The following GRIP1 variants were observed in gnomAD, a reference collection of about 807,000 sequenced individuals.
The protein encoded by GRIP1 is glutamate receptor interacting protein 1, also known as glutamate receptor-interacting protein 1.
Under a neutral mutation model 129.9 loss-of-function variants are expected in GRIP1, and 45 were observed. That is an observed-to-expected ratio of 0.35 (90% CI 0.27 to 0.44). The LOEUF (loss-of-function observed/expected upper bound fraction) is 0.44, where lower values mean the gene tolerates loss of function less well. Ranked by LOEUF, GRIP1 falls within the 20% of genes least tolerant of loss-of-function variation. GRIP1 has a pLI of 1.00. For missense variants in GRIP1, 1,196 were observed against 1,396.8 expected (o/e 0.86, Z 2.29); for synonymous variants, 530 against 520.8 (o/e 1.02, Z -0.24).
intron 1 of GRIP1, among the ~76,000 whole-genome samples, chr12:66,696,118 A>G (rs575777595): frequency 6.6e-6 from 1 of 152,270 alleles, no homozygotes; most frequent in East Asian, 1.9e-4. Context: ...CAAAATTACT[A>G]TTATCTCAAA....
chr12:66,707,471 T>G (rs2035569418), intron 1 of GRIP1, among the ~76,000 whole-genome samples: 1 of 147,664 alleles, frequency 6.8e-6, no homozygotes, highest in Admixed American at 6.9e-5. Context: ...GTGACAGACC[T>G]TGTGATTTAA....
intron 1 of GRIP1, among the ~76,000 whole-genome samples, chr12:66,726,662 A>G (rs1442779281): frequency 6.6e-6 from 1 of 152,224 alleles, no homozygotes; most frequent in Non-Finnish European, 1.5e-5. Flanking sequence ...ATGCAGTTGT[A>G]ATATTTTATG....
At chr12:66,911,087 G>A (rs1449541564) in intron 1 of GRIP1, among the ~76,000 whole-genome samples, 1 of 152,228 alleles carries the variant, frequency 6.6e-6, no homozygotes, top group African/African-American at 2.4e-5. Context: ...CCCTCAAGGG[G>A]CTCTCCCTGG....
At chr12:66,988,077 C>T (rs2042339719) in intron 1 of GRIP1, among the ~76,000 whole-genome samples, 1 of 152,086 alleles carries the variant, frequency 6.6e-6, no homozygotes, top group South Asian at 2.1e-4. Context: ...ACAAAAGAAA[C>T]AATAAATAAA....
chr12:66,567,247 C>T (rs2139461308), intron 2 of GRIP1, among the ~76,000 whole-genome samples: 1 of 152,254 alleles, frequency 6.6e-6, no homozygotes, highest in Non-Finnish European at 1.5e-5. Context: ...TTTCTGCTTT[C>T]TCTTGTGGGC....
At chr12:66,668,112 A>G (rs1421167438) in intron 1 of GRIP1, among the ~76,000 whole-genome samples, 2 of 152,200 alleles carry the variant, frequency 1.3e-5, no homozygotes, top group Non-Finnish European at 2.9e-5. Flanking sequence ...GTTTGTGGTC[A>G]GTGTGCCTTG....
chr12:67,062,830 T>C (rs989953348), intron 1 of GRIP1, among the ~76,000 whole-genome samples: 7 of 152,210 alleles, frequency 4.6e-5, no homozygotes, highest in Non-Finnish European at 1.0e-4. Context: ...ATCAAAGACC[T>C]TGGCTGCATC....
chr12:66,824,350 GTCATGCGTCTACACTAGGACTGCC>G (rs1367555781), intron 1 of GRIP1, among the ~76,000 whole-genome samples: 1 of 152,088 alleles, frequency 6.6e-6, no homozygotes, highest in African/African-American at 2.4e-5. Context: ...CCAGGCCCAG[GTCATGCGTCTACACTAGGACTGCC>G]TCATATGATG....
chr12:66,737,548 C>T (rs2036646003), intron 1 of GRIP1, among the ~76,000 whole-genome samples: 1 of 152,138 alleles, frequency 6.6e-6, no homozygotes, highest in South Asian at 2.1e-4. Context: ...TCCCAAAGTG[C>T]TAGGATTACA....
At chr12:67,068,961 G>T (rs1406182843) in intron 1 of GRIP1, 2 of 538,758 alleles carry the variant, frequency 3.7e-6, no homozygotes, top group African/African-American at 2.1e-5. Flanking sequence ...GCGGGTGGAC[G>T]GGTCGGGAGG....
At chr12:66,778,259 A>G (rs2038050713) in intron 1 of GRIP1, among the ~76,000 whole-genome samples, 1 of 152,084 alleles carries the variant, frequency 6.6e-6, no homozygotes. Flanking sequence ...ATCTCTCCAA[A>G]AAGAAATTTT....
intron 1 of GRIP1, among the ~76,000 whole-genome samples, chr12:66,847,317 T>C (rs1482854413): frequency 1.3e-5 from 2 of 152,132 alleles, no homozygotes; most frequent in African/African-American, 4.8e-5. Context: ...ATCTGGTCCC[T>C]TCCTACTTTC....
At chr12:66,542,016 C>G in intron 2 of GRIP1, 66 bp from the exon 3 acceptor site, 1 of 1,441,288 alleles carries the variant, frequency 6.9e-7, no homozygotes, top group East Asian at 2.3e-5. Context: ...TTTCTCCTCC[C>G]CAGAAGTTCT....
chr12:67,017,954 AT>A (rs552575635), intron 1 of GRIP1, among the ~76,000 whole-genome samples: 1 of 152,186 alleles, frequency 6.6e-6, no homozygotes, highest in Non-Finnish European at 1.5e-5. Context: ...AGAGATAATA[AT>A]TGCTTATGTG....
At chr12:66,351,607 A>G (rs553038316) in intron 24 of GRIP1, among the ~76,000 whole-genome samples, 21 of 146,580 alleles carry the variant, frequency 1.4e-4, no homozygotes, top group African/African-American at 5.4e-4. Context: ...GCTGGAGTAC[A>G]GTGGCATGAT....
chr12:66,888,534 A>T (rs544979508), intron 1 of GRIP1, among the ~76,000 whole-genome samples: 1 of 152,158 alleles, frequency 6.6e-6, no homozygotes, highest in South Asian at 2.1e-4. Context: ...TAATTTTCAC[A>T]TTATTTTTAG....
intron 1 of GRIP1, among the ~76,000 whole-genome samples, chr12:67,062,437 C>T (rs1478680018): frequency 6.6e-6 from 1 of 152,186 alleles, no homozygotes; most frequent in African/African-American, 2.4e-5. Flanking sequence ...TCCTTTCCTT[C>T]TATCCCCTCC....
intron 20 of GRIP1, among the ~76,000 whole-genome samples, chr12:66,378,541 G>A (rs184406779): frequency 2.6e-4 from 39 of 152,186 alleles, no homozygotes; most frequent in Admixed American, 2.4e-3. Context: ...AGGGTCAGGA[G>A]TTCGAGACCG....
intron 1 of GRIP1, among the ~76,000 whole-genome samples, chr12:66,613,447 C>T (rs1388189285): frequency 6.6e-6 from 1 of 152,088 alleles, no homozygotes; most frequent in Non-Finnish European, 1.5e-5. Flanking sequence ...CTGTATGTTA[C>T]AGTTCAGTTC....
Sources: allele counts gnomAD v4.1 joint callset (sites outside exome capture counted in the v4.1 genomes callset), GRCh38; gene constraint gnomAD v4.1.1; transcripts MANE v1.5; gene names NCBI Gene and HGNC (gene_info 2026-07-23, HGNC 2026-07-21).